The following FOXN3 variants were observed in gnomAD, a reference collection of about 807,000 sequenced individuals.
FOXN3 encodes the protein forkhead box N3.
A neutral mutation model predicts 38.4 loss-of-function variants in FOXN3; 7 were observed. The observed-to-expected ratio is 0.18, with a 90% CI of 0.10 to 0.34. FOXN3 has a LOEUF of 0.34. FOXN3 is among the 10% of genes least tolerant of loss of function. The pLI, the probability that FOXN3 is intolerant of heterozygous loss-of-function variation, is 1.00. For synonymous variants in FOXN3, 230 were observed against 242.2 expected (o/e 0.95, Z 0.47); for missense variants, 456 against 613.4 (o/e 0.74, Z 2.71).
At chr14:89,599,755 T>C (rs1449584644) in intron 1 of FOXN3, among the ~76,000 whole-genome samples, 1 of 152,080 alleles carries the variant, frequency 6.6e-6, no homozygotes, top group Non-Finnish European at 1.5e-5. Flanking sequence ...ATTATTTGAG[T>C]TTTGGCTTCA....
At chr14:89,540,718 A>T (rs1894776753) in intron 1 of FOXN3, among the ~76,000 whole-genome samples, 1 of 150,832 alleles carries the variant, frequency 6.6e-6, no homozygotes, top group Non-Finnish European at 1.5e-5. Flanking sequence ...AGCCTGGGTA[A>T]CACAGTGAGA....
intron 1 of FOXN3, among the ~76,000 whole-genome samples, chr14:89,597,948 C>T (rs1896091570): frequency 6.6e-6 from 1 of 151,938 alleles, no homozygotes; most frequent in South Asian, 2.1e-4. Flanking sequence ...TATTATTCTA[C>T]TATTTTTTAT....
At chr14:89,341,813 C>A (rs574416435) in intron 3 of FOXN3, among the ~76,000 whole-genome samples, 1 of 152,168 alleles carries the variant, frequency 6.6e-6, no homozygotes, top group African/African-American at 2.4e-5. Flanking sequence ...TCTGGGAAGG[C>A]GAGGGGTTTG....
At chr14:89,405,688 A>G (rs942744376) in intron 2 of FOXN3, among the ~76,000 whole-genome samples, 1 of 152,124 alleles carries the variant, frequency 6.6e-6, no homozygotes, top group Non-Finnish European at 1.5e-5. Flanking sequence ...CTGACAATTG[A>G]GCCCCATCTC....
intron 1 of FOXN3, among the ~76,000 whole-genome samples, chr14:89,477,622 CCT>C (rs1893238609): frequency 6.6e-6 from 1 of 152,200 alleles, no homozygotes; most frequent in South Asian, 2.1e-4. Context: ...ACTTTCCAAG[CCT>C]GCATCTTGAG....
At chr14:89,600,677 G>A (rs1187753536) in intron 1 of FOXN3, among the ~76,000 whole-genome samples, 1 of 152,194 alleles carries the variant, frequency 6.6e-6, no homozygotes, top group Non-Finnish European at 1.5e-5. Context: ...TGTGGGAAGA[G>A]ACTACTCAGT....
At chr14:89,383,029 G>GTTTTTTTTTTTTTTTTTTTTTTTT (rs57032907) in intron 2 of FOXN3, among the ~76,000 whole-genome samples, 3 of 92,516 alleles carry the variant, frequency 3.2e-5, no homozygotes, top group African/African-American at 4.1e-5. Flanking sequence ...TTTGGGTGGT[G>GTTTTTTTTTTTTTTTTTTTTTTTT]TTTTTTTTTT....
chr14:89,366,543 A>G (rs1372248322), intron 2 of FOXN3, among the ~76,000 whole-genome samples: 1 of 152,208 alleles, frequency 6.6e-6, no homozygotes, highest in African/African-American at 2.4e-5. Flanking sequence ...CAGTGCTAGT[A>G]GGGATGAGGG....
chr14:89,199,897 C>G (rs1290937663), intron 4 of FOXN3, among the ~76,000 whole-genome samples: 1 of 151,880 alleles, frequency 6.6e-6, no homozygotes, highest in Non-Finnish European at 1.5e-5. Context: ...CAGCGAGACT[C>G]CATCTCAGAC....
At chr14:89,486,549 G>A (rs1408596162) in intron 1 of FOXN3, 1 of 152,170 alleles carries the variant, frequency 6.6e-6, no homozygotes, top group African/African-American at 2.4e-5. Context: ...ATGGCGAGCT[G>A]GGGAAGGCAG....
At chr14:89,186,302 C>T (rs1887806319) in intron 4 of FOXN3, among the ~76,000 whole-genome samples, 1 of 152,056 alleles carries the variant, frequency 6.6e-6, no homozygotes, top group Non-Finnish European at 1.5e-5. Context: ...TCCCCCAATC[C>T]CTCCCCTTCC....
At chr14:89,298,064 G>A (rs1298454151) in intron 3 of FOXN3, among the ~76,000 whole-genome samples, 4 of 152,126 alleles carry the variant, frequency 2.6e-5, no homozygotes, top group Non-Finnish European at 5.9e-5. Context: ...ACTGTCCCTC[G>A]ATGGATGCAT....
At chr14:89,527,048 G>GGGGAGGAGAGGAGGAGGAAGGGGAA (rs1401914296) in intron 1 of FOXN3, among the ~76,000 whole-genome samples, 1 of 151,376 alleles carries the variant, frequency 6.6e-6, no homozygotes, top group East Asian at 1.9e-4. Context: ...AGGATAGGGA[G>GGGGAGGAGAGGAGGAGGAAGGGGAA]GGGAGGAGAG....
chr14:89,199,951 C>T (rs552109173), intron 4 of FOXN3, among the ~76,000 whole-genome samples: 9 of 152,186 alleles, frequency 5.9e-5, no homozygotes, highest in Non-Finnish European at 5.9e-5. Context: ...AAAAACTGCA[C>T]TATTTTATAC....
chr14:89,253,015 ACTAAGTGT>A (rs1477083128), intron 4 of FOXN3, among the ~76,000 whole-genome samples: 1 of 152,182 alleles, frequency 6.6e-6, no homozygotes, highest in Non-Finnish European at 1.5e-5. Flanking sequence ...TGTCAAGGAC[ACTAAGTGT>A]CTGGTGTTTT....
At chr14:89,465,387 T>A (rs1475001097) in intron 1 of FOXN3, among the ~76,000 whole-genome samples, 1 of 152,050 alleles carries the variant, frequency 6.6e-6, no homozygotes, top group African/African-American at 2.4e-5. Flanking sequence ...CCGCCACCAC[T>A]CCCAGCTAAT....
chr14:89,430,466 C>T (rs910429965), intron 1 of FOXN3, among the ~76,000 whole-genome samples: 19 of 152,212 alleles, frequency 1.2e-4, no homozygotes, highest in Non-Finnish European at 2.8e-4. Context: ...CTGCAGACTA[C>T]TTTCGGTTTC....
intron 2 of FOXN3, among the ~76,000 whole-genome samples, chr14:89,352,466 C>T (rs891155190): frequency 2.0e-4 from 30 of 152,090 alleles, no homozygotes; most frequent in Admixed American, 2.0e-3. Flanking sequence ...CAGGTAACTA[C>T]CAAATTTGGA....
At chr14:89,521,795 T>C (rs1894324232) in intron 1 of FOXN3, among the ~76,000 whole-genome samples, 1 of 152,068 alleles carries the variant, frequency 6.6e-6, no homozygotes, top group Admixed American at 6.6e-5. Flanking sequence ...AAACACATTA[T>C]GTACGGATCA....
Sources: gnomAD v4.1 joint callset for allele counts (sites outside exome capture counted in the v4.1 genomes callset) on GRCh38, gnomAD v4.1.1 for gene constraint, MANE v1.5 for transcripts, NCBI Gene and HGNC (gene_info 2026-07-23, HGNC 2026-07-21) for gene names.